Variants in APCDD1L observed in about 807,000 individuals in gnomAD.
APCDD1L encodes the protein protein APCDD1-like.
In APCDD1L, 21 loss-of-function variants were observed where a neutral mutation model predicts 24.2. That is an observed-to-expected ratio of 0.87 (90% CI 0.61 to 1.25). The LOEUF is 1.25. Among genes scored for constraint, APCDD1L ranks in the 50% most tolerant of loss-of-function variants. The pLI is 0.00. For missense variants in APCDD1L, 704 were observed against 711.7 expected (o/e 0.99, Z 0.12); for synonymous variants, 321 against 323.6 (o/e 0.99, Z 0.09).
At position 58,514,711 on chromosome 20, in the gene APCDD1L, G is replaced by A. The variant is rs1365304804; in HGVS notation, c.-4C>T. ...AGGGGAGCATGGCTGCGGGCATCCC[G>A]TCGGGGCTGGCAGGACCGCCCGCCG... On this transcript the variant is annotated 5_prime_UTR_variant, in exon 1 of 4. In the 5' UTR this introduces an upstream ATG that the reference lacks. Transcript: ENST00000371149. 3 of 1,307,358 alleles carry A rather than the reference G, an allele frequency of 2.3e-6. No homozygotes were observed. The highest frequency in any genetic ancestry group is 2.9e-6 in the Non-Finnish European group (3 of 1,020,384). 81.0% of individuals were successfully genotyped at this position (1,307,358 alleles called of 1,614,324 possible). A position where few individuals can be genotyped will look rare whatever the true frequency, so the allele number is the denominator to read the frequency against.
chr20:58,466,969 G>T, intron 3 of APCDD1L, 137 bp downstream of exon 3: 4 of 1,088,474 alleles, frequency 3.7e-6, no homozygotes, highest in Admixed American at 3.0e-5. Flanking sequence ...GGACCAGAGT[G>T]GGGAGGGGCA....
At chr20:58,481,367 T>C (rs1990021359) in intron 1 of APCDD1L, among the ~76,000 whole-genome samples, 1 of 152,348 alleles carries the variant, frequency 6.6e-6, no homozygotes, top group East Asian at 1.9e-4. Context: ...GTATACATCA[T>C]GGCGAAGACC....
chr20:58,505,253 C>T (rs1321774546), intron 1 of APCDD1L, among the ~76,000 whole-genome samples: 5 of 151,872 alleles, frequency 3.3e-5, no homozygotes, highest in Non-Finnish European at 5.9e-5. Context: ...TTTGTGGAGA[C>T]AGGGTTTCCC....
intron 1 of APCDD1L, among the ~76,000 whole-genome samples, chr20:58,496,345 G>A (rs549604917): frequency 3.3e-5 from 5 of 152,382 alleles, no homozygotes; most frequent in African/African-American, 9.6e-5. Flanking sequence ...TCATGGGCAG[G>A]TGCCAGCCTG....
chr20:58,468,504 G>A (rs1480398437), intron 2 of APCDD1L, among the ~76,000 whole-genome samples: 1 of 152,006 alleles, frequency 6.6e-6, no homozygotes, highest in Non-Finnish European at 1.5e-5. Flanking sequence ...ATGAAGTCGG[G>A]GGAAAAATAG....
At chr20:58,512,101 C>A (rs906974177) in intron 1 of APCDD1L, among the ~76,000 whole-genome samples, 1 of 152,190 alleles carries the variant, frequency 6.6e-6, no homozygotes, top group African/African-American at 2.4e-5. Context: ...GGGTGACTAC[C>A]CATACCGCAG....
intron 1 of APCDD1L, among the ~76,000 whole-genome samples, chr20:58,498,118 G>A (rs1275249601): frequency 6.6e-6 from 1 of 152,098 alleles, no homozygotes; most frequent in Admixed American, 6.5e-5. Flanking sequence ...GCTAACTATG[G>A]CGTTCTTTGT....
At chr20:58,472,017 G>T (rs1989820095) in intron 1 of APCDD1L, among the ~76,000 whole-genome samples, 1 of 152,200 alleles carries the variant, frequency 6.6e-6, no homozygotes, top group South Asian at 2.1e-4. Context: ...TCCTGACCTT[G>T]CAGGCAGACC....
chr20:58,475,094 A>C (rs77213439), intron 1 of APCDD1L, among the ~76,000 whole-genome samples: 3,783 of 152,300 alleles, frequency 0.025, 161 homozygotes, highest in African/African-American at 0.087. Flanking sequence ...GCCACAATTT[A>C]TGTTTTCTTC....
chr20:58,468,407 G>A (rs892185451), intron 2 of APCDD1L, among the ~76,000 whole-genome samples: 6 of 152,110 alleles, frequency 3.9e-5, no homozygotes, highest in Non-Finnish European at 8.8e-5. Flanking sequence ...AAAGAGAAAT[G>A]ACTCCTAGAC....
chr20:58,462,156 T>C (rs1989621928), intron 3 of APCDD1L, among the ~76,000 whole-genome samples: 1 of 152,190 alleles, frequency 6.6e-6, no homozygotes. Flanking sequence ...AACTTGTCCT[T>C]GCTCATGCCC....
intron 3 of APCDD1L, among the ~76,000 whole-genome samples, chr20:58,463,527 C>A (rs1249022232): frequency 6.6e-6 from 1 of 152,206 alleles, no homozygotes; most frequent in Non-Finnish European, 1.5e-5. Flanking sequence ...CTTCTTTCTT[C>A]TTTCTCCTTC....
chr20:58,498,897 T>C (rs1304294140), intron 1 of APCDD1L, among the ~76,000 whole-genome samples: 2 of 152,178 alleles, frequency 1.3e-5, no homozygotes, highest in Non-Finnish European at 2.9e-5. Flanking sequence ...CTCACATCTC[T>C]TCCTCCCTTC....
chr20:58,461,573 A>T lies in APCDD1L; in HGVS notation c.742-19T>A, dbSNP rs996448745. ...CGTGGTGCTGGCAAAAGACAAACAG[A>T]AAAACGGTGGTTGTCCCACATAGAG... is the stretch of plus-strand genomic sequence containing the variant. On this transcript the variant is annotated intron_variant, in intron 3 of 3. Transcript: ENST00000371149. This position sits in a 1 kb window ranked among gnomAD's most constrained non-coding sequence, Gnocchi z 6.0. 2.1e-6 allele frequency: 3 copies of T among 1,410,760 alleles called. No individual in the cohort carries two copies. Among genetic ancestry groups the T allele is most frequent in the Non-Finnish European group, 2.8e-6 (3 of 1,075,906 alleles). 87.4% of individuals were successfully genotyped at this position (1,410,760 alleles called of 1,614,324 possible).
intron 1 of APCDD1L, chr20:58,513,809 A>G (rs1990680857): frequency 9.3e-7 from 1 of 1,075,338 alleles, no homozygotes; most frequent in Non-Finnish European, 1.3e-6. Flanking sequence ...GCCGATGGCC[A>G]TGCTTACCCA....
At chr20:58,514,225 C>A (rs550296720) in intron 1 of APCDD1L, among the ~76,000 whole-genome samples, 8 of 152,294 alleles carry the variant, frequency 5.3e-5, no homozygotes, top group South Asian at 2.1e-4. Context: ...AAGCCCCGAC[C>A]CCGCACAGGT....
chr20:58,510,415 C>T (rs1235435856), intron 1 of APCDD1L, among the ~76,000 whole-genome samples: 1 of 152,188 alleles, frequency 6.6e-6, no homozygotes, highest in African/African-American at 2.4e-5. Context: ...CCACTGCAAC[C>T]TCCGCCTCCC....
rs1011016144 is a variant in APCDD1L at position 58,467,903 on chromosome 20, T to A, written c.189-245A>T. Reference sequence around the variant, plus strand: ...TAGTTCATTCTCCTTTCCTTCAATCTGAATTGCCCTGCTGGAGGGCCTTTT... The same window carrying A: ...TAGTTCATTCTCCTTTCCTTCAATCAGAATTGCCCTGCTGGAGGGCCTTTT... On this transcript the variant is annotated intron_variant, in intron 2 of 3. Coordinates refer to ENST00000371149, the MANE Select transcript of APCDD1L (RefSeq NM_153360.3). The surrounding 1 kb of genome is among the most constrained non-coding windows in gnomAD (Gnocchi z 5.9). Among the ~76,000 whole-genome samples, 1 of 152,150 alleles carries A rather than the reference T, an allele frequency of 6.6e-6. No homozygotes were observed. Among genetic ancestry groups the A allele is most frequent in the African/African-American group, 2.4e-5 (1 of 41,456 alleles).
Position 58,461,990 on chromosome 20 carries a change from C to G in APCDD1L, c.742-436G>C, listed in dbSNP as rs1463023332. On this transcript the variant is annotated intron_variant, in intron 3 of 3. Coordinates refer to ENST00000371149, the MANE Select transcript of APCDD1L (RefSeq NM_153360.3). The surrounding 1 kb of genome is among the most constrained non-coding windows in gnomAD (Gnocchi z 6.0). ...CTCATCAAACTGGAATGCATCGTGCCTTACAGTACTAAAAAGCCCTAGAAA... is the reference window on the plus strand; with the variant it reads ...CTCATCAAACTGGAATGCATCGTGCGTTACAGTACTAAAAAGCCCTAGAAA... 1 of 168,784 alleles carries G rather than the reference C, an allele frequency of 5.9e-6. No individual in the cohort carries two copies. The highest frequency in any genetic ancestry group is 1.3e-5 in the Non-Finnish European group (1 of 79,684). The allele number at this position is 168,784 out of a possible 1,614,324, so 10.5% of individuals were successfully genotyped here. A position where few individuals can be genotyped will look rare whatever the true frequency, so the allele number is the denominator to read the frequency against.
Sources: gnomAD v4.1 joint callset for allele counts (sites outside exome capture counted in the v4.1 genomes callset) on GRCh38, gnomAD v4.1.1 for gene constraint, Gnocchi (gnomAD v3.1) non-coding constraint, MANE v1.5 for transcripts, NCBI Gene and HGNC (gene_info 2026-07-23, HGNC 2026-07-21) for gene names.